FIGNL2: variants seen among roughly 807,000 people sequenced by gnomAD.
FIGNL2 encodes fidgetin like 2, also known as fidgetin-like protein 2.
For synonymous variants in FIGNL2, 565 were observed against 484.0 expected, an observed-to-expected ratio of 1.17 and a Z score of -2.20; for missense variants, 1,060 against 950.2, an observed-to-expected ratio of 1.12 and a Z score of -1.52.
In FIGNL2 at chr12:51,821,630, C is replaced by G. The variant is rs1254863487; in HGVS notation, c.784G>C (p.Gly262Arg). Residue 262 changes from glycine (G) to arginine (R), a missense_variant, in exon 2 of 2, where the codon GGG (glycine) becomes CGG (arginine). By Grantham distance (125) the Gly-to-Arg change is moderately radical. Transcript: ENST00000618634. ...FPTAAPGAES[G>R]LSLKRKAADE... Reference sequence around the variant, plus strand: ...GCGGCCTTGCGCTTCAGCGACAGCCCGGATTCGGCACCCGGCGCGGCCGTG... The same window carrying G: ...GCGGCCTTGCGCTTCAGCGACAGCCGGGATTCGGCACCCGGCGCGGCCGTG... 3.4e-6 allele frequency: 5 copies of G among 1,486,374 alleles called. No individual in the cohort carries two copies. Among genetic ancestry groups the G allele is most frequent in the African/African-American group, 1.5e-5 (1 of 68,432 alleles). 92.1% of individuals were successfully genotyped at this position (1,486,374 alleles called of 1,614,324 possible).
chr12:51,830,772 GA>G lies in FIGNL2; in HGVS notation c.-11-8349del, dbSNP rs1241714310. On this transcript the variant is annotated intron_variant, in intron 1 of 1. Transcript: ENST00000618634. ...TCCTAAAGTGCTGGATTACAGGCAT[GA>G]GCCACCACACCCGGCCTACGCTCTT... 2.0e-5 allele frequency among the ~76,000 whole-genome samples: 3 copies of G among 151,618 alleles called. No homozygotes were observed. In the East Asian group the frequency reaches 5.8e-4, roughly 29 times the overall value.
At chr12:51,846,726 G>A (rs993117158) in intron 1 of FIGNL2, among the ~76,000 whole-genome samples, 11 of 152,090 alleles carry the variant, frequency 7.2e-5, no homozygotes, top group African/African-American at 2.2e-4. Context: ...CTTCTGGGGC[G>A]GGGGTGGGGG....
At chr12:51,845,768 C>T (rs1036604663) in intron 1 of FIGNL2, 7 of 569,162 alleles carry the variant, frequency 1.2e-5, no homozygotes, top group Non-Finnish European at 1.2e-5. Context: ...TGGCAGCAGT[C>T]GGAGCTTGGG....
intron 1 of FIGNL2, among the ~76,000 whole-genome samples, chr12:51,844,099 G>A (rs1489424870): frequency 6.6e-6 from 1 of 152,086 alleles, no homozygotes; most frequent in Non-Finnish European, 1.5e-5. Context: ...TGAAACCAGG[G>A]CCACATCACC....
intron 1 of FIGNL2, among the ~76,000 whole-genome samples, chr12:51,830,355 ATG>A (rs1288683755): frequency 6.6e-6 from 1 of 152,084 alleles, no homozygotes; most frequent in African/African-American, 2.4e-5. Flanking sequence ...ACAAATAAGT[ATG>A]TGAGGGAATG....
Position 51,848,669 on chromosome 12 carries a change from G to A in FIGNL2, c.-141C>T. The A allele has an allele frequency of 2.3e-6, 1 of 431,320 alleles. No individual in the cohort carries two copies. Among genetic ancestry groups the A allele is most frequent in the Non-Finnish European group, 3.1e-6 (1 of 323,502 alleles). 26.7% of individuals were successfully genotyped at this position (431,320 alleles called of 1,614,324 possible). On this transcript the variant is annotated 5_prime_UTR_variant, in exon 1 of 2. Transcript: ENST00000618634. ...GGGGGCAGTGGCGCTCACCATCCTG[G>A]AGCCGCTGCTGCTGCGGCTGCTGCG... is the stretch of plus-strand genomic sequence containing the variant.
chr12:51,829,234 C>T (rs899024102), intron 1 of FIGNL2, among the ~76,000 whole-genome samples: 3 of 152,198 alleles, frequency 2.0e-5, no homozygotes, highest in African/African-American at 7.2e-5. Flanking sequence ...ATCTATTCAC[C>T]AAGGCTCCCA....
At chr12:51,847,117 C>T (rs920619475) in intron 1 of FIGNL2, 1 of 985,396 alleles carries the variant, frequency 1.0e-6, no homozygotes, top group Middle Eastern at 5.2e-4. Context: ...CCGGCGCGCC[C>T]GTCCTTGGGG....
At chr12:51,826,640 C>CAAAAA (rs4025910) in intron 1 of FIGNL2, among the ~76,000 whole-genome samples, 1 of 104,390 alleles carries the variant, frequency 9.6e-6, no homozygotes, top group Admixed American at 1.0e-4. Context: ...ACTCCCATCT[C>CAAAAA]AAAAAAAAAA....
At chr12:51,830,778 C>T (rs574558876) in intron 1 of FIGNL2, among the ~76,000 whole-genome samples, 102 of 152,054 alleles carry the variant, frequency 6.7e-4, no homozygotes, top group Admixed American at 5.8e-3. Flanking sequence ...GCATGAGCCA[C>T]CACACCCGGC....
At chr12:51,847,717 G>A (rs1939782420) in intron 1 of FIGNL2, 1 of 985,310 alleles carries the variant, frequency 1.0e-6, no homozygotes, top group Admixed American at 6.1e-5. Context: ...AGCATTTGCT[G>A]ATCACCTACA....
chr12:51,843,306 A>G (rs1015660927), intron 1 of FIGNL2, among the ~76,000 whole-genome samples: 5 of 151,838 alleles, frequency 3.3e-5, no homozygotes, highest in African/African-American at 1.2e-4. Flanking sequence ...GGAGGCTGAG[A>G]TGGGCAGATC....
chr12:51,830,794 C>T (rs1939445016), intron 1 of FIGNL2, among the ~76,000 whole-genome samples: 1 of 151,600 alleles, frequency 6.6e-6, no homozygotes. Context: ...CCGGCCTACG[C>T]TCTTTTTTTC....
chr12:51,846,768 TC>T (rs1939759726), intron 1 of FIGNL2, among the ~76,000 whole-genome samples: 3 of 152,262 alleles, frequency 2.0e-5, no homozygotes, highest in Admixed American at 2.0e-4. Context: ...ATGCGGGTCC[TC>T]TAGGCCTCCC....
intron 1 of FIGNL2, chr12:51,842,228 CCA>C (rs1457006918): frequency 1.3e-5 from 2 of 152,276 alleles, no homozygotes; most frequent in Non-Finnish European, 2.9e-5. Flanking sequence ...CTGAGGAGGG[CCA>C]CAGTGTGGAA....
rs1939137904 is a variant in FIGNL2, at chr12:51,820,204, G to A, written c.*248C>T. 3.9e-6 allele frequency: 2 copies of A among 511,140 alleles called. No homozygotes were observed. Among genetic ancestry groups the A allele is most frequent in the East Asian group, 4.0e-5 (1 of 24,868 alleles). The allele number at this position is 511,140 out of a possible 1,614,324, so 31.7% of individuals were successfully genotyped here. A position where few individuals can be genotyped will look rare whatever the true frequency, so the allele number is the denominator to read the frequency against. On this transcript the variant is annotated 3_prime_UTR_variant, in exon 2 of 2. Transcript: ENST00000618634. ...GCCGGATCTGCCCGGTCTGCCGGGC[G>A]GAGATGGCGAGCTTCCAGTCCACAA...
intron 1 of FIGNL2, among the ~76,000 whole-genome samples, chr12:51,830,586 A>G (rs1378688576): frequency 2.1e-5 from 3 of 141,890 alleles, no homozygotes; most frequent in East Asian, 4.6e-4. Context: ...CCCCCTCCTG[A>G]GTTCAAGTGA....
rs1483540286 is a variant in FIGNL2, at chr12:51,820,521, G to A, written c.1893C>T (p.Gly631=). Residue 631 remains glycine (G), a synonymous_variant, in exon 2 of 2, where the codon GGC becomes GGT. Transcript: ENST00000618634. ...CCAGTTCCTTGGCAGAGGCCCTAGG[G>A]CCCACCTTGGCCAGCGCCGCCTCCA... ...KDLEAALAKV[G]PRASAKELDS... 3 of 1,567,256 alleles carry A rather than the reference G, an allele frequency of 1.9e-6. No homozygotes were observed. Among genetic ancestry groups the A allele is most frequent in the African/African-American group, 2.7e-5 (2 of 73,862 alleles).
chr12:51,829,846 AGAAAG>A (rs1939419027), intron 1 of FIGNL2, among the ~76,000 whole-genome samples: 1 of 152,050 alleles, frequency 6.6e-6, no homozygotes, highest in Non-Finnish European at 1.5e-5. Context: ...AGGGAGGAGA[AGAAAG>A]GAAAAAAAGG....
Sources: gnomAD v4.1 joint callset for allele counts (sites outside exome capture counted in the v4.1 genomes callset) on GRCh38, gnomAD v4.1.1 for gene constraint, MANE v1.5 for transcripts, NCBI Gene and HGNC (gene_info 2026-07-23, HGNC 2026-07-21) for gene names.